The following IKBKB variants were observed in gnomAD, a reference collection of about 807,000 sequenced individuals.
IKBKB encodes inhibitor of nuclear factor kappa B kinase subunit beta.
A neutral mutation model predicts 113.6 loss-of-function variants in IKBKB; 42 were observed. The ratio of observed to expected loss-of-function variants is 0.37; its 90% CI spans 0.29 to 0.48. The LOEUF (loss-of-function observed/expected upper bound fraction) is 0.48. Ranked by LOEUF, IKBKB falls within the 20% of genes least tolerant of loss-of-function variation. The pLI is 0.99. For synonymous variants in IKBKB, 296 were observed against 361.3 expected, an observed-to-expected ratio of 0.82 and a Z score of 2.05; for missense variants, 673 against 939.7, an observed-to-expected ratio of 0.72 and a Z score of 3.71.
At chr8:42,276,763 C>T (rs1300815813) in intron 2 of IKBKB, among the ~76,000 whole-genome samples, 1 of 150,534 alleles carries the variant, frequency 6.6e-6, no homozygotes, top group African/African-American at 2.4e-5. Flanking sequence ...GGTGCGATCT[C>T]GGGTCACTGC....
chr8:42,274,951 G>A (rs1452290303), intron 2 of IKBKB, among the ~76,000 whole-genome samples: 6 of 151,020 alleles, frequency 4.0e-5, no homozygotes, highest in African/African-American at 1.2e-4. Context: ...ATCTTGGCTC[G>A]CTGCAACTGG....
intron 2 of IKBKB, among the ~76,000 whole-genome samples, chr8:42,272,837 G>A (rs1412605509): frequency 4.6e-5 from 7 of 151,978 alleles, no homozygotes; most frequent in South Asian, 4.1e-4. Flanking sequence ...CTACTTGGGA[G>A]GCTGAGGCAG....
chr8:42,284,904 T>C (rs1260413093), intron 2 of IKBKB, among the ~76,000 whole-genome samples: 1 of 145,730 alleles, frequency 6.9e-6, no homozygotes, highest in African/African-American at 2.6e-5. Flanking sequence ...TCACCCAGGC[T>C]GGAGTGCAGT....
chr8:42,309,476 C>T (rs758567609), intron 8 of IKBKB: 1 of 414,582 alleles, frequency 2.4e-6, no homozygotes, highest in South Asian at 1.7e-5. Context: ...AGAATGTGGC[C>T]GGGTACAGTG....
At chr8:42,324,132 C>T (rs986065481) in intron 19 of IKBKB, among the ~76,000 whole-genome samples, 2 of 152,310 alleles carry the variant, frequency 1.3e-5, no homozygotes, top group Non-Finnish European at 2.9e-5. Context: ...GACAGAGACA[C>T]TGCTTTATCA....
At chr8:42,272,005 C>A in intron 1 of IKBKB, 78 bp from the exon 2 acceptor site, 4 of 1,396,974 alleles carry the variant, frequency 2.9e-6, no homozygotes, top group Non-Finnish European at 3.9e-6. Context: ...GCAGTGGTAT[C>A]TCTTGCCTTC....
chr8:42,321,771 G>T, intron 16 of IKBKB, 125 bp from the exon 17 acceptor site: 1 of 650,044 alleles, frequency 1.5e-6, no homozygotes, highest in Non-Finnish European at 2.7e-6. Flanking sequence ...CAAGAAGATT[G>T]CTTGTGAGCC....
chr8:42,293,613 G>T (rs1209859464), intron 5 of IKBKB, 101 bp downstream of exon 5: 3 of 1,599,470 alleles, frequency 1.9e-6, no homozygotes, highest in Non-Finnish European at 2.6e-6. Flanking sequence ...CAATCCTTTG[G>T]TCTCTGTGGA....
intron 19 of IKBKB, 164 bp from the exon 20 acceptor site, chr8:42,325,806 G>A (rs2130711495): frequency 6.8e-7 from 1 of 1,474,176 alleles, no homozygotes; most frequent in East Asian, 2.4e-5. Flanking sequence ...GAAGCCAGAT[G>A]TGAAGCACCA....
rs201809170 is a variant in IKBKB at position 42,331,569 on chromosome 8, C to T, written c.*590C>T. The T allele has an allele frequency of 2.1e-4, 127 of 599,872 alleles. No homozygotes were observed. The highest frequency in any genetic ancestry group is 6.6e-4 in the East Asian group (24 of 36,224). 37.2% of individuals were successfully genotyped at this position (599,872 alleles called of 1,614,324 possible). ...CGGCCTGGCCCCATCCTCACTTCCTCTTTTTATTTCACTGCTGCTAAAATT... is the reference window on the plus strand; with the variant it reads ...CGGCCTGGCCCCATCCTCACTTCCTTTTTTTATTTCACTGCTGCTAAAATT... On this transcript the variant is annotated 3_prime_UTR_variant, in exon 22 of 22. Transcript: ENST00000520810.
At chr8:42,325,095 C>A in intron 19 of IKBKB, 1 of 303,060 alleles carries the variant, frequency 3.3e-6, no homozygotes, top group Non-Finnish European at 4.9e-6. Context: ...GCCTGGGGGG[C>A]TACATGGGTG....
At chr8:42,319,753 G>T in intron 15 of IKBKB, 107 bp downstream of exon 15, 1 of 971,302 alleles carries the variant, frequency 1.0e-6, no homozygotes, top group Non-Finnish European at 1.5e-6. Flanking sequence ...CAAAAATCAG[G>T]TGTTCCTCAC....
chr8:42,277,402 C>G (rs1466260899), intron 2 of IKBKB, among the ~76,000 whole-genome samples: 2 of 151,852 alleles, frequency 1.3e-5, no homozygotes, highest in African/African-American at 4.8e-5. Flanking sequence ...AGGCTGTTCT[C>G]AAGCTCTTGA....
chr8:42,288,402 A>AG (rs1811871584), intron 2 of IKBKB, among the ~76,000 whole-genome samples: 1 of 150,872 alleles, frequency 6.6e-6, no homozygotes, highest in South Asian at 2.1e-4. Flanking sequence ...AAAAAAAAAA[A>AG]AGAGAGAGAA....
At chr8:42,291,726 G>A (rs1201745519) in intron 4 of IKBKB, among the ~76,000 whole-genome samples, 1 of 152,144 alleles carries the variant, frequency 6.6e-6, no homozygotes, top group Non-Finnish European at 1.5e-5. Context: ...AGGAGTTTGA[G>A]ACCAGCCTGG....
intron 8 of IKBKB, among the ~76,000 whole-genome samples, chr8:42,312,773 T>C (rs942202096): frequency 2.0e-5 from 3 of 152,228 alleles, no homozygotes; most frequent in African/African-American, 7.2e-5. Flanking sequence ...ACGCACCGGC[T>C]CTTCTAGCTT....
intron 2 of IKBKB, 47 bp downstream of exon 2, chr8:42,272,252 T>A (rs756678740): frequency 1.9e-6 from 3 of 1,612,950 alleles, no homozygotes; most frequent in Non-Finnish European, 2.5e-6. Flanking sequence ...CCAGGCCCCC[T>A]CCTCACTGCC....
At chr8:42,323,911 G>A (rs1432800175) in intron 19 of IKBKB, among the ~76,000 whole-genome samples, 3 of 152,218 alleles carry the variant, frequency 2.0e-5, no homozygotes, top group African/African-American at 4.8e-5. Context: ...AGAAGGCATG[G>A]CACCTGTTCC....
At chr8:42,301,070 T>C (rs1815109908) in intron 5 of IKBKB, among the ~76,000 whole-genome samples, 1 of 152,036 alleles carries the variant, frequency 6.6e-6, no homozygotes, top group Admixed American at 6.6e-5. Flanking sequence ...TTGCCCAGGC[T>C]GGTCTCAAAC....
Sources: allele counts gnomAD v4.1 joint callset (sites outside exome capture counted in the v4.1 genomes callset), GRCh38; gene constraint gnomAD v4.1.1; transcripts MANE v1.5; gene names NCBI Gene and HGNC (gene_info 2026-07-23, HGNC 2026-07-21).